The following EVI5 variants were observed in gnomAD, a reference collection of about 807,000 sequenced individuals.
EVI5 encodes ecotropic viral integration site 5, also known as ecotropic viral integration site 5 protein homolog.
A neutral mutation model predicts 112.0 loss-of-function variants in EVI5; 73 were observed. The observed-to-expected ratio is 0.65, with a 90% CI of 0.54 to 0.79. The LOEUF (loss-of-function observed/expected upper bound fraction) is 0.79. Ranked by LOEUF, EVI5 falls within the 30% of genes least tolerant of loss-of-function variation. The pLI, the probability that EVI5 is intolerant of heterozygous loss-of-function variation, is 0.00. For synonymous variants in EVI5, 305 were observed against 319.9 expected (o/e 0.95, Z 0.50); for missense variants, 900 against 968.8 (o/e 0.93, Z 0.94).
intron 2 of EVI5, among the ~76,000 whole-genome samples, chr1:92,715,542 C>T (rs934255466): frequency 2.6e-5 from 4 of 152,154 alleles, no homozygotes; most frequent in African/African-American, 7.2e-5. Context: ...CCAGCGTGAT[C>T]GACGCAGAAG....
At chr1:92,719,483 A>G (rs964474362) in intron 2 of EVI5, among the ~76,000 whole-genome samples, 1 of 152,090 alleles carries the variant, frequency 6.6e-6, no homozygotes, top group Non-Finnish European at 1.5e-5. Flanking sequence ...AAGGTCTTCG[A>G]CAAAATTCAA....
chr1:92,758,506 G>A (rs933664926), intron 1 of EVI5, among the ~76,000 whole-genome samples: 4 of 150,516 alleles, frequency 2.7e-5, no homozygotes, highest in African/African-American at 9.8e-5. Context: ...GAGGTCAGAG[G>A]CTGCAGTGAG....
chr1:92,550,781 A>AATATATATAT (rs1330757944), intron 19 of EVI5, among the ~76,000 whole-genome samples: 1,310 of 20,262 alleles, frequency 0.065, 67 homozygotes, highest in Middle Eastern at 0.12. Flanking sequence ...AAAAAAAAAA[A>AATATATATAT]ATATATATAT....
intron 16 of EVI5, among the ~76,000 whole-genome samples, chr1:92,614,576 GA>G (rs761755520): frequency 3.2e-4 from 48 of 151,994 alleles, no homozygotes; most frequent in South Asian, 8.3e-4. Flanking sequence ...AAAGCAGGCA[GA>G]AAAATGTGAA....
At position 92,510,241 on chromosome 1, in the gene EVI5, A is replaced by C. The variant is rs199597346; in HGVS notation, c.*3415T>G. The C allele has an allele frequency of 1.3e-5, 2 of 152,224 alleles. No homozygotes were observed. The highest frequency in any genetic ancestry group is 4.8e-5 in the African/African-American group (2 of 41,462). 9.4% of individuals were successfully genotyped at this position (152,224 alleles called of 1,614,324 possible). On this transcript the variant is annotated 3_prime_UTR_variant, in exon 20 of 20. Coordinates refer to ENST00000684568, the MANE Select transcript of EVI5 (RefSeq NM_001350197.2). The stretch of plus-strand genomic sequence containing the variant: ...GTTTAGAATTCAAACATGATTCTAG[A>C]AAATTTCTTATCTTAAAGTCAAACT...
At chr1:92,591,070 CTT>C (rs1673779365) in intron 18 of EVI5, among the ~76,000 whole-genome samples, 1 of 152,106 alleles carries the variant, frequency 6.6e-6, no homozygotes, top group Non-Finnish European at 1.5e-5. Flanking sequence ...TGCTGAGAGA[CTT>C]TGTCACCACC....
rs1408202984 is a variant in EVI5, at chr1:92,527,425, A to AG, written c.2167-13456_2167-13455insC. ...GTGAGACACTGTCTCAAAAAAAAAA[A>AG]AAAAAAAAGAAAAAAAGAAATAAAA... is the stretch of plus-strand genomic sequence containing the variant. On this transcript the variant is annotated intron_variant, in intron 19 of 19. Coordinates refer to ENST00000684568, the MANE Select transcript of EVI5 (RefSeq NM_001350197.2). Among the ~76,000 whole-genome samples, 110 of 135,890 alleles carry AG rather than the reference A, an allele frequency of 8.1e-4. 2 individuals are homozygous for AG. The highest frequency in any genetic ancestry group is 2.9e-3 in the African/African-American group (103 of 35,914). 89.1% of individuals were successfully genotyped at this position (135,890 alleles called of 152,430 possible).
At chr1:92,646,287 C>T (rs1200130429) in intron 13 of EVI5, among the ~76,000 whole-genome samples, 1 of 152,140 alleles carries the variant, frequency 6.6e-6, no homozygotes. Context: ...ACAGAAGGTT[C>T]TTTCTTGAAC....
intron 1 of EVI5, among the ~76,000 whole-genome samples, chr1:92,741,520 ACT>A (rs1678403331): frequency 6.6e-6 from 1 of 152,008 alleles, no homozygotes; most frequent in Non-Finnish European, 1.5e-5. Flanking sequence ...TACATAACAA[ACT>A]CTATTTTCGA....
At chr1:92,740,155 A>G (rs961710072) in intron 1 of EVI5, among the ~76,000 whole-genome samples, 6 of 152,206 alleles carry the variant, frequency 3.9e-5, no homozygotes, top group African/African-American at 1.4e-4. Flanking sequence ...AACACATGAG[A>G]TGATTTTAAA....
intron 16 of EVI5, among the ~76,000 whole-genome samples, chr1:92,617,997 C>A (rs1043306545): frequency 1.2e-4 from 18 of 152,140 alleles, no homozygotes; most frequent in Admixed American, 1.1e-3. Context: ...ACTGGTCTTA[C>A]CATGTTCCCC....
intron 9 of EVI5, among the ~76,000 whole-genome samples, chr1:92,682,266 G>A (rs757825471): frequency 8.6e-5 from 13 of 152,002 alleles, no homozygotes; most frequent in Non-Finnish European, 1.5e-4. Context: ...GTATCTTACC[G>A]GCCTGTGAGC....
At chr1:92,527,414 C>CA (rs763348201) in intron 19 of EVI5, among the ~76,000 whole-genome samples, 311 of 18,540 alleles carry the variant, frequency 0.017, 2 homozygotes, top group Non-Finnish European at 0.025. Flanking sequence ...GACACTGTCT[C>CA]AAAAAAAAAA....
chr1:92,686,932 A>C (rs1323712585), intron 9 of EVI5, among the ~76,000 whole-genome samples: 3 of 152,252 alleles, frequency 2.0e-5, no homozygotes, highest in Non-Finnish European at 4.4e-5. Flanking sequence ...CATGGATTGG[A>C]AGAATCAATA....
intron 1 of EVI5, among the ~76,000 whole-genome samples, chr1:92,761,848 T>A (rs1446007752): frequency 3.9e-5 from 6 of 152,244 alleles, no homozygotes; most frequent in South Asian, 2.1e-4. Flanking sequence ...GTAATACCTA[T>A]CTTCAATCTT....
intron 13 of EVI5, among the ~76,000 whole-genome samples, chr1:92,644,663 A>T (rs111735821): frequency 6.6e-6 from 1 of 152,188 alleles, no homozygotes; most frequent in Non-Finnish European, 1.5e-5. Context: ...ATAAGCACTT[A>T]ATACATTTTC....
At chr1:92,576,097 A>G (rs1671035784) in intron 18 of EVI5, among the ~76,000 whole-genome samples, 1 of 152,196 alleles carries the variant, frequency 6.6e-6, no homozygotes, top group East Asian at 1.9e-4. Flanking sequence ...AGACATGGGC[A>G]CTAAAACTTA....
intron 18 of EVI5, among the ~76,000 whole-genome samples, chr1:92,567,538 G>T (rs1669687287): frequency 6.6e-6 from 1 of 152,134 alleles, no homozygotes. Flanking sequence ...TCTGACCATT[G>T]TGTTACAACC....
intron 13 of EVI5, among the ~76,000 whole-genome samples, chr1:92,641,746 T>C (rs183387410): frequency 5.9e-5 from 9 of 152,296 alleles, no homozygotes; most frequent in African/African-American, 1.9e-4. Flanking sequence ...AAAAGGATGT[T>C]TGTAATCCTC....
Sources: allele counts gnomAD v4.1 joint callset (sites outside exome capture counted in the v4.1 genomes callset), GRCh38; gene constraint gnomAD v4.1.1; transcripts MANE v1.5; gene names NCBI Gene and HGNC (gene_info 2026-07-23, HGNC 2026-07-21).